Variants in MYH15 observed in about 807,000 individuals in gnomAD.
MYH15 encodes myosin-15.
In MYH15, 227 loss-of-function variants were observed where a neutral mutation model predicts 240.5. The ratio of observed to expected loss-of-function variants is 0.94; its 90% CI spans 0.85 to 1.05. The LOEUF is 1.05. Among genes scored for constraint, MYH15 ranks in the 50% least tolerant of loss-of-function variants. The pLI is 0.00. For synonymous variants in MYH15, 785 were observed against 796.7 expected (o/e 0.99, Z 0.25); for missense variants, 2,217 against 2,247.5 (o/e 0.99, Z 0.27).
chr3:108,428,747 A>G lies in MYH15; in HGVS notation c.3447T>C (p.Ser1149=), dbSNP rs764217698. 1 of 1,613,472 alleles carries G rather than the reference A, an allele frequency of 6.2e-7. No individual in the cohort carries two copies. Among genetic ancestry groups the G allele is most frequent in the South Asian group, 1.1e-5 (1 of 91,028 alleles). Residue 1149 remains serine, a synonymous_variant, in exon 27 of 41, where the codon AGT becomes AGC. Coordinates refer to ENST00000693548, the MANE Select transcript of MYH15 (RefSeq NM_014981.3). ...TCTTAGTTATTTCCAGCTGAGCCAAACTGGATCCTCCTACCTCCTCCAGCC... is the reference window on the plus strand; with the variant it reads ...TCTTAGTTATTTCCAGCTGAGCCAAGCTGGATCCTCCTACCTCCTCCAGCC... ...NERLEEVGGS[S]LAQLEITKKQ...
intron 1 of MYH15, among the ~76,000 whole-genome samples, chr3:108,518,993 C>T (rs961284005): frequency 3.9e-5 from 6 of 152,130 alleles, no homozygotes; most frequent in Non-Finnish European, 8.8e-5. Context: ...TTAATAAACA[C>T]GTAGGGAATG....
At chr3:108,395,049 T>C (rs1049365699) in intron 35 of MYH15, among the ~76,000 whole-genome samples, 2 of 152,140 alleles carry the variant, frequency 1.3e-5, no homozygotes, top group Admixed American at 1.3e-4. Context: ...GTGAATCTCC[T>C]GAGCTCAGGA....
chr3:108,530,372 C>T (rs2083703565), upstream of MYH15, among the ~76,000 whole-genome samples: 1 of 152,162 alleles, frequency 6.6e-6, no homozygotes, highest in South Asian at 2.1e-4. Flanking sequence ...AATTGTATGA[C>T]ATTCTTGAAA....
chr3:108,432,027 A>G lies in MYH15; in HGVS notation c.3222-1105T>C, dbSNP rs140070128. Among the ~76,000 whole-genome samples the G allele has an allele frequency of 1.3e-3, 203 of 152,024 alleles. 1 individual carries two copies. The Middle Eastern group carries it at 0.014, about 10-fold the overall frequency. Reference sequence around the variant, plus strand: ...ATTTCTAAGCAGCAAAGCATTCAAGAGATGACTTGGGTGCTGTTAAATGCA... The same window carrying G: ...ATTTCTAAGCAGCAAAGCATTCAAGGGATGACTTGGGTGCTGTTAAATGCA... On this transcript the variant is annotated intron_variant, in intron 25 of 40. Coordinates refer to ENST00000693548, the MANE Select transcript of MYH15 (RefSeq NM_014981.3).
At position 108,464,781 on chromosome 3, in the gene MYH15, A is replaced by G. The variant is rs1312566927; in HGVS notation, c.1588T>C (p.Cys530Arg). 1.2e-6 allele frequency: 2 copies of G among 1,611,628 alleles called. No homozygotes were observed. The highest frequency in any genetic ancestry group is 1.7e-6 in the Non-Finnish European group (2 of 1,179,252). Residue 530 changes from cysteine to arginine, a missense_variant, in exon 15 of 41, where the codon TGT (cysteine) becomes CGT (arginine). Physicochemically the swap from Cys to Arg is radical, Grantham distance 180. Coordinates refer to ENST00000693548, the MANE Select transcript of MYH15 (RefSeq NM_014981.3). Reference protein sequence around the residue: ...MGILSILEEECMFPKATDLTF... With the variant: ...MGILSILEEERMFPKATDLTF... The stretch of plus-strand genomic sequence containing the variant: ...AGGTCTGTAGCCTTAGGAAACATAC[A>G]CTCTTCTTCAAGGATGGAAAGGATG...
At chr3:108,411,960 C>T (rs1443135675) in intron 30 of MYH15, among the ~76,000 whole-genome samples, 1 of 152,212 alleles carries the variant, frequency 6.6e-6, no homozygotes. Flanking sequence ...CACTTTTCTG[C>T]TTCATGTTTC....
intron 27 of MYH15, among the ~76,000 whole-genome samples, chr3:108,422,220 C>CTT (rs35897568): frequency 8.1e-6 from 1 of 122,930 alleles, no homozygotes. Context: ...TTTTTATTAT[C>CTT]TTTTTTTTTT....
chr3:108,411,984 G>C (rs757328834), intron 30 of MYH15, among the ~76,000 whole-genome samples: 18 of 152,274 alleles, frequency 1.2e-4, no homozygotes, highest in Admixed American at 6.5e-5. Context: ...AACGTTAAGA[G>C]GATATTCTGA....
At chr3:108,523,637 C>A (rs1356209725) in intron 1 of MYH15, among the ~76,000 whole-genome samples, 4 of 151,814 alleles carry the variant, frequency 2.6e-5, no homozygotes, top group African/African-American at 7.3e-5. Context: ...ATCTTGGATT[C>A]TCTTACCCTT....
At chr3:108,408,543 T>A in intron 31 of MYH15, 139 bp from the exon 32 acceptor site, 1 of 763,472 alleles carries the variant, frequency 1.3e-6, no homozygotes, top group South Asian at 2.4e-5. Flanking sequence ...CTATCCTATA[T>A]GGGACCGAGA....
chr3:108,420,734 A>T (rs2082676137), intron 28 of MYH15, among the ~76,000 whole-genome samples: 1 of 152,348 alleles, frequency 6.6e-6, no homozygotes, highest in African/African-American at 2.4e-5. Flanking sequence ...AACATTAAAA[A>T]TTTTAAAAAA....
intron 20 of MYH15, among the ~76,000 whole-genome samples, chr3:108,455,513 C>T (rs1453411439): frequency 6.6e-6 from 1 of 152,128 alleles, no homozygotes; most frequent in Non-Finnish European, 1.5e-5. Flanking sequence ...GCTTAGTTGA[C>T]TAATTATAAA....
chr3:108,501,873 A>G lies in MYH15; in HGVS notation c.196-18T>C, dbSNP rs1352358796. 6.2e-7 allele frequency: 1 copy of G among 1,610,328 alleles called. No homozygotes were observed. The highest frequency in any genetic ancestry group is 1.1e-5 in the South Asian group (1 of 90,976). On this transcript the variant is annotated intron_variant, in intron 2 of 40. Coordinates refer to ENST00000693548, the MANE Select transcript of MYH15 (RefSeq NM_014981.3). Reference sequence around the variant, plus strand: ...CTCAGACTCTGCAGAGAGAAGAAAAATATATGATATATTCCCCTGTCTCCT... The same window carrying G: ...CTCAGACTCTGCAGAGAGAAGAAAAGTATATGATATATTCCCCTGTCTCCT...
intron 30 of MYH15, 34 bp from the exon 31 acceptor site, chr3:108,410,966 G>A (rs762835486): frequency 2.0e-6 from 3 of 1,510,912 alleles, no homozygotes; most frequent in Admixed American, 1.8e-5. Flanking sequence ...AGTGAGTGAG[G>A]CAATAACTCT....
chr3:108,450,488 A>G (rs2107574980), intron 21 of MYH15, among the ~76,000 whole-genome samples: 1 of 152,300 alleles, frequency 6.6e-6, no homozygotes, highest in East Asian at 1.9e-4. Context: ...GTGGGATATT[A>G]AAAAAGTCAA....
At chr3:108,545,564 G>A in the MYH15 span, among the ~76,000 whole-genome samples, 1 of 151,936 alleles carries the variant, frequency 6.6e-6, no homozygotes, top group South Asian at 2.1e-4. Context: ...TCTAGATGCG[G>A]TTACCAAACC....
chr3:108,448,278 A>G (rs1016957572), intron 21 of MYH15, among the ~76,000 whole-genome samples: 2 of 152,090 alleles, frequency 1.3e-5, no homozygotes, highest in East Asian at 1.9e-4. Context: ...CTTTAAATAT[A>G]AATGAAATAA....
intron 24 of MYH15, 114 bp from the exon 25 acceptor site, chr3:108,437,813 T>A: frequency 9.4e-7 from 1 of 1,063,390 alleles, no homozygotes. Flanking sequence ...ACAAATTCTA[T>A]AAATGATGCC....
rs1022130440 is a variant in MYH15, at chr3:108,381,012, A to G, written c.*533T>C. The G allele has an allele frequency of 2.6e-5, 4 of 156,386 alleles. No individual in the cohort carries two copies. Among genetic ancestry groups the G allele is most frequent in the African/African-American group, 7.2e-5 (3 of 41,494 alleles). 9.7% of individuals were successfully genotyped at this position (156,386 alleles called of 1,614,324 possible). ...TGTTGATTAGGAGAGTTTTGCCTAC[A>G]TGTTCAAATTGCCTAACTATAGCTA... On this transcript the variant is annotated 3_prime_UTR_variant, in exon 41 of 41. Coordinates refer to ENST00000693548, the MANE Select transcript of MYH15 (RefSeq NM_014981.3).
Sources: gnomAD v4.1 joint callset for allele counts (sites outside exome capture counted in the v4.1 genomes callset) on GRCh38, gnomAD v4.1.1 for gene constraint, MANE v1.5 for transcripts, NCBI Gene and HGNC (gene_info 2026-07-23, HGNC 2026-07-21) for gene names.